PCDHA7: variants seen among roughly 807,000 people sequenced by gnomAD.
PCDHA7 encodes the protein protocadherin alpha 7, also known as protocadherin alpha-7.
PCDHA7 carries 37 observed loss-of-function variants against 57.2 expected under a neutral mutation model. That is an observed-to-expected ratio of 0.65 (90% confidence interval 0.50 to 0.85). The LOEUF (loss-of-function observed/expected upper bound fraction) is 0.85, where lower values mean the gene tolerates loss of function less well. Among genes scored for constraint, PCDHA7 ranks in the 40% least tolerant of loss-of-function variants. The pLI is 0.00. For missense variants in PCDHA7, 1,188 were observed against 1,241.8 expected (o/e 0.96, Z 0.65); for synonymous variants, 553 against 558.8 (o/e 0.99, Z 0.15).
At chr5:140,894,414 C>A (rs1554186083) in intron 1 of PCDHA7, among the ~76,000 whole-genome samples, 2 of 151,928 alleles carry the variant, frequency 1.3e-5, no homozygotes, top group African/African-American at 4.8e-5. Flanking sequence ...TCTTTTGTAG[C>A]TAACACTCCT....
intron 1 of PCDHA7, among the ~76,000 whole-genome samples, chr5:140,903,450 T>A (rs2070311741): frequency 2.6e-5 from 4 of 152,202 alleles, no homozygotes; most frequent in Admixed American, 1.3e-4. Flanking sequence ...ATTCATCTGA[T>A]CAAACTTAAA....
At chr5:140,857,620 C>T (rs782083775) in intron 1 of PCDHA7, 2 of 1,596,564 alleles carry the variant, frequency 1.3e-6, no homozygotes, top group East Asian at 2.2e-5. Context: ...CGCTGGACCA[C>T]GAGGAGCTGG....
chr5:140,885,516 T>A (rs1235698672), intron 1 of PCDHA7, among the ~76,000 whole-genome samples: 2 of 152,198 alleles, frequency 1.3e-5, no homozygotes, highest in Non-Finnish European at 2.9e-5. Flanking sequence ...TGCTGTGCTA[T>A]CATTTCATAT....
chr5:140,850,795 CCGA>C, intron 1 of PCDHA7: 1 of 1,598,426 alleles, frequency 6.3e-7, no homozygotes, highest in Non-Finnish European at 8.6e-7. Flanking sequence ...AAGCAGAAGA[CCGA>C]CCTCATGGCC....
intron 1 of PCDHA7, chr5:140,967,492 G>T (rs1554229617): frequency 3.1e-6 from 5 of 1,613,380 alleles, no homozygotes; most frequent in Non-Finnish European, 4.2e-6. Flanking sequence ...GTACGGCACA[G>T]ATCTCTGTGC....
At chr5:140,884,410 G>GT in intron 1 of PCDHA7, 1 of 1,614,008 alleles carries the variant, frequency 6.2e-7, no homozygotes, top group Non-Finnish European at 8.5e-7. Context: ...TGGTGCTCAC[G>GT]TTGCTGCTGT....
chr5:140,952,734 C>T (rs143946641), intron 1 of PCDHA7, among the ~76,000 whole-genome samples: 1 of 152,272 alleles, frequency 6.6e-6, no homozygotes, highest in East Asian at 1.9e-4. Flanking sequence ...CTAGTCTTTT[C>T]TCACACTGCT....
intron 1 of PCDHA7, among the ~76,000 whole-genome samples, chr5:140,965,508 T>C (rs1278735339): frequency 6.6e-6 from 1 of 152,124 alleles, no homozygotes; most frequent in Non-Finnish European, 1.5e-5. Context: ...TTTTTTTTTT[T>C]TTTAACTGCA....
chr5:140,946,611 A>T (rs868983636), intron 1 of PCDHA7, among the ~76,000 whole-genome samples: 1 of 86,804 alleles, frequency 1.2e-5, no homozygotes, highest in Admixed American at 1.2e-4. Context: ...GAAAATGTGA[A>T]ATATATATAT....
chr5:140,933,130 AAGGTAGAT>A (rs1554209200), intron 1 of PCDHA7, among the ~76,000 whole-genome samples: 1 of 151,994 alleles, frequency 6.6e-6, no homozygotes, highest in East Asian at 1.9e-4. Context: ...CTAAATAATA[AAGGTAGAT>A]AGCCACTCAT....
Position 140,834,611 on chromosome 5 carries a change from G to A in PCDHA7, c.228G>A (p.Glu76=). The A allele has an allele frequency of 6.2e-7, 1 of 1,614,162 alleles. No homozygotes were observed. The highest frequency in any genetic ancestry group is 8.5e-7 in the Non-Finnish European group (1 of 1,180,010). ...AVCKFRGDLL[E]VNLQNGILFV... ...GCAAATTCCGTGGGGATCTTCTGGA[G>A]GTAAATCTGCAGAATGGCATTTTGT... Residue 76 remains glutamate (E), a synonymous_variant, in exon 1 of 4, where the codon GAG becomes GAA. Transcript: ENST00000525929.
intron 1 of PCDHA7, chr5:140,869,951 C>G (rs2051525824): frequency 6.2e-7 from 1 of 1,611,984 alleles, no homozygotes. Context: ...TCCTTAATGT[C>G]AATTAAGCCC....
At chr5:140,881,361 C>A (rs990387338) in intron 1 of PCDHA7, 6 of 985,126 alleles carry the variant, frequency 6.1e-6, no homozygotes, top group Non-Finnish European at 7.2e-6. Context: ...GCGTGGCTTT[C>A]GTATGAATTG....
rs182904804 is a variant in PCDHA7 at position 140,841,857 on chromosome 5, T to A, written c.2355+5119T>A. 6.2e-6 allele frequency: 10 copies of A among 1,613,860 alleles called. 1 individual carries two copies. In the Admixed American group the frequency reaches 1.0e-4, roughly 16 times the overall value. ...AGGCTTAGCTCTCATGATTACTTCA[T>A]GCTAGATGTGAATTCAAAGAACGAT... On this transcript the variant is annotated intron_variant, in intron 1 of 3. Transcript: ENST00000525929.
At chr5:140,948,489 T>C (rs547481990) in intron 1 of PCDHA7, among the ~76,000 whole-genome samples, 6 of 151,790 alleles carry the variant, frequency 4.0e-5, no homozygotes, top group Admixed American at 3.3e-4. Context: ...TTCAATTTCT[T>C]TCATAGACTT....
At chr5:140,956,994 A>T (rs2095325479) in intron 1 of PCDHA7, among the ~76,000 whole-genome samples, 1 of 152,168 alleles carries the variant, frequency 6.6e-6, no homozygotes, top group Non-Finnish European at 1.5e-5. Flanking sequence ...AATTCAAGGA[A>T]GTGGTCTGAA....
At chr5:141,005,701 C>CA (rs59860837) in intron 3 of PCDHA7, among the ~76,000 whole-genome samples, 506 of 7,758 alleles carry the variant, frequency 0.065, 109 homozygotes, top group Non-Finnish European at 0.076. Context: ...AACTCCGTCT[C>CA]AAAAAAAAAA....
chr5:140,939,246 C>A (rs536477969), intron 1 of PCDHA7, among the ~76,000 whole-genome samples: 1 of 152,112 alleles, frequency 6.6e-6, no homozygotes, highest in South Asian at 2.1e-4. Context: ...AGCAAGGTAG[C>A]TCTCTGGAAC....
intron 1 of PCDHA7, among the ~76,000 whole-genome samples, chr5:140,953,875 C>T (rs1054189459): frequency 4.6e-5 from 7 of 152,088 alleles, no homozygotes; most frequent in Admixed American, 4.6e-4. Context: ...CTGCACAGAT[C>T]AACCCATCAC....
Sources: allele counts gnomAD v4.1 joint callset (sites outside exome capture counted in the v4.1 genomes callset), GRCh38; gene constraint gnomAD v4.1.1; transcripts MANE v1.5; gene names NCBI Gene and HGNC (gene_info 2026-07-23, HGNC 2026-07-21).